ALK: variants seen among roughly 807,000 people sequenced by gnomAD.
ALK encodes the protein ALK tyrosine kinase receptor.
A neutral mutation model predicts 163.1 loss-of-function variants in ALK; 74 were observed. The observed-to-expected ratio is 0.45, with a 90% CI of 0.38 to 0.55. The LOEUF is 0.55. Among genes scored for constraint, ALK ranks in the 20% least tolerant of loss-of-function variants. The pLI, the probability that ALK is intolerant of heterozygous loss-of-function variation, is 0.00. For synonymous variants in ALK, 960 were observed against 843.2 expected (o/e 1.14, Z -2.40); for missense variants, 2,063 against 2,105.3 (o/e 0.98, Z 0.39).
chr2:29,261,752 A>G (rs1665094298), intron 11 of ALK, among the ~76,000 whole-genome samples: 1 of 152,142 alleles, frequency 6.6e-6, no homozygotes, highest in Non-Finnish European at 1.5e-5. Context: ...AATATTTTAT[A>G]GTGACTCTGT....
At chr2:29,858,306 C>G (rs1331621396) in intron 1 of ALK, among the ~76,000 whole-genome samples, 1 of 152,114 alleles carries the variant, frequency 6.6e-6, no homozygotes, top group African/African-American at 2.4e-5. Flanking sequence ...ACCGTAGGCA[C>G]TCTAACATTA....
intron 4 of ALK, among the ~76,000 whole-genome samples, chr2:29,389,193 G>T (rs1442486132): frequency 6.6e-6 from 1 of 152,214 alleles, no homozygotes; most frequent in Admixed American, 6.5e-5. Flanking sequence ...CTTACAGACT[G>T]GTGAGAAAGA....
intron 1 of ALK, among the ~76,000 whole-genome samples, chr2:29,813,964 T>A (rs1664823345): frequency 1.3e-5 from 2 of 152,212 alleles, no homozygotes; most frequent in Non-Finnish European, 2.9e-5. Flanking sequence ...CATATTTCAG[T>A]AACATCCGAG....
At chr2:29,786,491 G>C (rs969358154) in intron 1 of ALK, among the ~76,000 whole-genome samples, 2 of 152,202 alleles carry the variant, frequency 1.3e-5, no homozygotes, top group African/African-American at 4.8e-5. Context: ...GTTATACCTA[G>C]ATGTGTGTTA....
At chr2:29,389,841 C>G (rs1180583106) in intron 4 of ALK, among the ~76,000 whole-genome samples, 1 of 152,142 alleles carries the variant, frequency 6.6e-6, no homozygotes, top group African/African-American at 2.4e-5. Context: ...TCACATAACT[C>G]TTGGCCTCCA....
chr2:29,809,775 G>A (rs920068628), intron 1 of ALK, among the ~76,000 whole-genome samples: 22 of 152,330 alleles, frequency 1.4e-4, no homozygotes, highest in African/African-American at 4.6e-4. Flanking sequence ...ACAAGGCCAG[G>A]GAATTCCAAA....
intron 4 of ALK, among the ~76,000 whole-genome samples, chr2:29,503,479 T>C (rs72794468): frequency 0.011 from 1,674 of 152,280 alleles, 22 homozygotes; most frequent in Non-Finnish European, 0.018. Context: ...TCACAGAGGA[T>C]ACAGATATGA....
chr2:29,789,221 T>G (rs1664127082), intron 1 of ALK, among the ~76,000 whole-genome samples: 1 of 152,172 alleles, frequency 6.6e-6, no homozygotes, highest in Non-Finnish European at 1.5e-5. Context: ...AGGATATCAT[T>G]TCATTTATTT....
At chr2:29,435,610 A>G (rs1326386483) in intron 4 of ALK, among the ~76,000 whole-genome samples, 2 of 151,866 alleles carry the variant, frequency 1.3e-5, no homozygotes, top group Non-Finnish European at 2.9e-5. Context: ...TATGAAGTCA[A>G]TTCAAGGTCA....
chr2:29,828,320 A>G (rs1031823377), intron 1 of ALK, among the ~76,000 whole-genome samples: 14 of 152,356 alleles, frequency 9.2e-5, no homozygotes, highest in South Asian at 4.1e-4. Flanking sequence ...GACAAATGGG[A>G]TCGAATTAAA....
At chr2:29,329,591 ACCCCACTTGGCTAAGTC>A (rs1417063429) in intron 5 of ALK, among the ~76,000 whole-genome samples, 2 of 151,906 alleles carry the variant, frequency 1.3e-5, no homozygotes, top group Non-Finnish European at 2.9e-5. Context: ...ATGAACTAGG[ACCCCACTTGGCTAAGTC>A]CCCCAGCCTC....
intron 23 of ALK, among the ~76,000 whole-genome samples, chr2:29,219,289 G>T (rs1018199744): frequency 6.6e-6 from 1 of 152,130 alleles, no homozygotes; most frequent in Non-Finnish European, 1.5e-5. Context: ...TCTTCTCAAG[G>T]GGTAAGACAG....
chr2:29,456,865 T>C (rs1314407047), intron 4 of ALK, among the ~76,000 whole-genome samples: 2 of 152,180 alleles, frequency 1.3e-5, no homozygotes. Flanking sequence ...TTTCTTTCTT[T>C]ACAGAGAATA....
chr2:29,674,306 T>G (rs1573545652), intron 3 of ALK, among the ~76,000 whole-genome samples: 1 of 151,890 alleles, frequency 6.6e-6, no homozygotes, highest in Non-Finnish European at 1.5e-5. Context: ...ATATTGGCTG[T>G]GGGTTTGTCA....
chr2:29,721,655 C>A (rs555708510), intron 1 of ALK, among the ~76,000 whole-genome samples: 5 of 152,368 alleles, frequency 3.3e-5, no homozygotes, highest in African/African-American at 1.2e-4. Context: ...TAACAGTTTA[C>A]TCTCTTAAAC....
In ALK at chr2:29,266,319, A is replaced by C. The variant is rs74608832; in HGVS notation, c.2041+8780T>G. On this transcript the variant is annotated intron_variant, in intron 11 of 28. Transcript: ENST00000389048. ...TTCAAGATATTAACCTCCCCTCCAGATACATATTTATGTGTATACATAAGA... is the reference window on the plus strand; with the variant it reads ...TTCAAGATATTAACCTCCCCTCCAGCTACATATTTATGTGTATACATAAGA... Among the ~76,000 whole-genome samples the C allele has an allele frequency of 8.2e-3, 1,247 of 152,300 alleles. 21 individuals are homozygous for C. Among genetic ancestry groups the C allele is most frequent in the African/African-American group, 0.028 (1,179 of 41,558 alleles).
chr2:29,627,903 G>GA (rs1453608018), intron 3 of ALK, among the ~76,000 whole-genome samples: 4 of 151,928 alleles, frequency 2.6e-5, no homozygotes, highest in Non-Finnish European at 5.9e-5. Context: ...GGCCCAAACT[G>GA]AAAGAAAATG....
At chr2:29,469,500 C>G (rs938823303) in intron 4 of ALK, among the ~76,000 whole-genome samples, 2 of 152,186 alleles carry the variant, frequency 1.3e-5, no homozygotes, top group African/African-American at 4.8e-5. Context: ...TCAGTCCCAG[C>G]ATCTTTTCAC....
intron 3 of ALK, among the ~76,000 whole-genome samples, chr2:29,592,114 G>A (rs1372521298): frequency 1.3e-5 from 2 of 152,162 alleles, no homozygotes; most frequent in African/African-American, 4.8e-5. Flanking sequence ...GAGTTGGGCA[G>A]TGGCAGGACC....
Sources: allele counts gnomAD v4.1 joint callset (sites outside exome capture counted in the v4.1 genomes callset), GRCh38; gene constraint gnomAD v4.1.1; transcripts MANE v1.5; gene names NCBI Gene and HGNC (gene_info 2026-07-23, HGNC 2026-07-21).